Variants in PTPRO observed in about 807,000 individuals in gnomAD.
PTPRO encodes the protein receptor-type tyrosine-protein phosphatase O.
A neutral mutation model predicts 145.2 loss-of-function variants in PTPRO; 62 were observed. The observed-to-expected ratio is 0.43, with a 90% confidence interval of 0.35 to 0.53. PTPRO has a LOEUF of 0.53. PTPRO is among the 20% of genes least tolerant of loss of function. The pLI, the probability that PTPRO is intolerant of heterozygous loss-of-function variation, is 0.01. For missense variants in PTPRO, 1,345 were observed against 1,482.7 expected (o/e 0.91, Z 1.53); for synonymous variants, 565 against 514.7 (o/e 1.10, Z -1.32).
At chr12:15,451,925 A>C (rs569148998) in intron 1 of PTPRO, among the ~76,000 whole-genome samples, 1 of 152,326 alleles carries the variant, frequency 6.6e-6, no homozygotes, top group African/African-American at 2.4e-5. Context: ...CTAAGGTCAC[A>C]CCTCAAGGAA....
intron 7 of PTPRO, among the ~76,000 whole-genome samples, chr12:15,509,434 C>T: frequency 6.6e-6 from 1 of 150,804 alleles, no homozygotes. Flanking sequence ...TGGGGGCTCA[C>T]ACCTTTAATC....
chr12:15,392,720 CAAAAAAAAAAAAAAAA>C (rs1177789187), intron 1 of PTPRO, among the ~76,000 whole-genome samples: 1 of 66,684 alleles, frequency 1.5e-5, no homozygotes, highest in Non-Finnish European at 2.7e-5. Flanking sequence ...GACCCTGTCT[CAAAAAAAAAAAAAAAA>C]AAAAAAGAAG....
chr12:15,494,005 G>A (rs1182919829), intron 2 of PTPRO, among the ~76,000 whole-genome samples: 2 of 152,042 alleles, frequency 1.3e-5, no homozygotes, highest in African/African-American at 4.8e-5. Flanking sequence ...CAAGCTGCAG[G>A]ATAGTTATGA....
intron 1 of PTPRO, among the ~76,000 whole-genome samples, chr12:15,331,558 G>C (rs1425170163): frequency 6.6e-6 from 1 of 152,200 alleles, no homozygotes; most frequent in Non-Finnish European, 1.5e-5. Flanking sequence ...TGACCACAAA[G>C]TACTGGGAAC....
At chr12:15,375,319 T>C (rs1488390806) in intron 1 of PTPRO, among the ~76,000 whole-genome samples, 3 of 152,182 alleles carry the variant, frequency 2.0e-5, no homozygotes, top group Non-Finnish European at 2.9e-5. Context: ...GAAAATCTGT[T>C]ACCTGAGGGG....
intron 9 of PTPRO, among the ~76,000 whole-genome samples, chr12:15,517,801 G>A (rs545053394): frequency 1.3e-5 from 2 of 152,312 alleles, no homozygotes; most frequent in South Asian, 2.1e-4. Flanking sequence ...GGTTCCCATG[G>A]TCTTAGGCAG....
intron 1 of PTPRO, among the ~76,000 whole-genome samples, chr12:15,364,916 C>T (rs749438366): frequency 4.6e-5 from 7 of 152,142 alleles, no homozygotes; most frequent in Non-Finnish European, 1.0e-4. Context: ...TCATTACAGT[C>T]AGACTTCTGG....
In PTPRO at chr12:15,452,325, C is replaced by A. The variant is rs532658010; in HGVS notation, c.76-31649C>A. The stretch of plus-strand genomic sequence containing the variant: ...TTAGAAACCCTGAACAGGCCAATAA[C>A]GAGCAGTGAGATTGAAATGGTACAA... On this transcript the variant is annotated intron_variant, in intron 1 of 26. Transcript: ENST00000281171. 2.6e-5 allele frequency among the ~76,000 whole-genome samples: 4 copies of A among 152,170 alleles called. No individual in the cohort carries two copies. In the East Asian group the frequency reaches 7.7e-4, roughly 29 times the overall value.
At chr12:15,412,350 G>T (rs897401428) in intron 1 of PTPRO, among the ~76,000 whole-genome samples, 2 of 152,190 alleles carry the variant, frequency 1.3e-5, no homozygotes, top group African/African-American at 4.8e-5. Flanking sequence ...ACAGTTATAT[G>T]TCTGGCCCTT....
intron 1 of PTPRO, among the ~76,000 whole-genome samples, chr12:15,348,928 G>A (rs948293719): frequency 1.4e-4 from 22 of 152,200 alleles, no homozygotes; most frequent in African/African-American, 5.3e-4. Context: ...CATTATATTT[G>A]TATAAATTTG....
intron 4 of PTPRO, 127 bp downstream of exon 4, chr12:15,499,721 C>G: frequency 1.8e-6 from 2 of 1,092,108 alleles, no homozygotes; most frequent in Non-Finnish European, 2.6e-6. Context: ...GTTTAATAAC[C>G]TAAAACAGAT....
chr12:15,395,809 TCACACACACACA>T (rs34553766), intron 1 of PTPRO, among the ~76,000 whole-genome samples: 6 of 147,888 alleles, frequency 4.1e-5, no homozygotes, highest in South Asian at 2.2e-4. Context: ...CAATTAAAGA[TCACACACACACA>T]CACACACACA....
intron 18 of PTPRO, among the ~76,000 whole-genome samples, chr12:15,568,953 C>A (rs1204040655): frequency 6.6e-6 from 1 of 152,048 alleles, no homozygotes; most frequent in East Asian, 1.9e-4. Flanking sequence ...GTATGTCAAC[C>A]CTGTAGCTGT....
At chr12:15,462,050 C>A (rs1463592173) in intron 1 of PTPRO, among the ~76,000 whole-genome samples, 1 of 152,126 alleles carries the variant, frequency 6.6e-6, no homozygotes, top group Non-Finnish European at 1.5e-5. Flanking sequence ...CTGTCCCTAA[C>A]CACACTGCTA....
intron 1 of PTPRO, among the ~76,000 whole-genome samples, chr12:15,419,022 T>C (rs901990472): frequency 1.3e-5 from 2 of 151,596 alleles, no homozygotes; most frequent in Non-Finnish European, 2.9e-5. Flanking sequence ...ATTTAGAGCA[T>C]TACTAACGCA....
intron 4 of PTPRO, 26 bp from the exon 5 acceptor site, chr12:15,501,594 G>A (rs1340588336): frequency 6.3e-7 from 1 of 1,585,158 alleles, no homozygotes; most frequent in Admixed American, 1.7e-5. Context: ...AAAAATACTT[G>A]AAAATGAAAA....
intron 19 of PTPRO, among the ~76,000 whole-genome samples, chr12:15,575,354 C>T (rs1447414651): frequency 6.6e-6 from 1 of 152,300 alleles, no homozygotes; most frequent in East Asian, 1.9e-4. Flanking sequence ...GAGGCTCCAC[C>T]TCTGTGAGCA....
intron 1 of PTPRO, among the ~76,000 whole-genome samples, chr12:15,378,335 G>A (rs1938751221): frequency 6.6e-6 from 1 of 151,352 alleles, no homozygotes; most frequent in South Asian, 2.1e-4. Context: ...TAAAAGCAAG[G>A]ATAAGAAAAT....
At chr12:15,327,178 T>A (rs1462863505) in intron 1 of PTPRO, among the ~76,000 whole-genome samples, 1 of 152,136 alleles carries the variant, frequency 6.6e-6, no homozygotes, top group Non-Finnish European at 1.5e-5. Flanking sequence ...ATAGTAAAAA[T>A]TTTACCAATC....
Sources: allele counts gnomAD v4.1 joint callset (sites outside exome capture counted in the v4.1 genomes callset), GRCh38; gene constraint gnomAD v4.1.1; transcripts MANE v1.5; gene names NCBI Gene and HGNC (gene_info 2026-07-23, HGNC 2026-07-21).